The following ARL8B variants were observed in gnomAD, a reference collection of about 807,000 sequenced individuals.
The protein encoded by ARL8B is ADP-ribosylation factor-like protein 8B.
A neutral mutation model predicts 30.6 loss-of-function variants in ARL8B; 9 were observed. The ratio of observed to expected loss-of-function variants is 0.29; its 90% CI spans 0.18 to 0.51. The LOEUF is 0.51. Among genes scored for constraint, ARL8B ranks in the 20% least tolerant of loss-of-function variants. The probability of loss-of-function intolerance (pLI) is 0.97; values close to 1 mark genes in which losing one functional copy is unlikely to be tolerated. For missense variants in ARL8B, 130 were observed against 227.2 expected, an observed-to-expected ratio of 0.57 and a Z score of 2.75; for synonymous variants, 74 against 76.0, an observed-to-expected ratio of 0.97 and a Z score of 0.14.
chr3:5,172,847 T>C (rs2054688130), intron 4 of ARL8B, 107 bp downstream of exon 4: 1 of 782,010 alleles, frequency 1.3e-6, no homozygotes, highest in Admixed American at 2.7e-5. Context: ...CATGTCTTCA[T>C]TTTTAAAATC....
intron 6 of ARL8B, among the ~76,000 whole-genome samples, chr3:5,178,071 G>A (rs1157883396): frequency 6.6e-6 from 1 of 152,204 alleles, no homozygotes; most frequent in African/African-American, 2.4e-5. Context: ...GAAGAAGTGA[G>A]GACAAGAATT....
chr3:5,169,111 T>C (rs1163139947), intron 1 of ARL8B, among the ~76,000 whole-genome samples: 1 of 152,148 alleles, frequency 6.6e-6, no homozygotes, highest in Non-Finnish European at 1.5e-5. Flanking sequence ...AAACACAAAG[T>C]ATCATCTTAG....
At chr3:5,178,589 G>A (rs538026833) in intron 6 of ARL8B, 75 bp from the exon 7 acceptor site, 1 of 1,444,536 alleles carries the variant, frequency 6.9e-7, no homozygotes, top group Non-Finnish European at 9.5e-7. Flanking sequence ...TGAATTAGCT[G>A]CCTTTTAAAT....
chr3:5,125,609 T>G (rs527263281), intron 1 of ARL8B, among the ~76,000 whole-genome samples: 4 of 151,826 alleles, frequency 2.6e-5, no homozygotes, highest in Admixed American at 6.6e-5. Flanking sequence ...CTTGGCTCAC[T>G]GCAACCTCTG....
intron 1 of ARL8B, chr3:5,128,312 G>C: frequency 3.5e-6 from 1 of 282,024 alleles, no homozygotes; most frequent in South Asian, 3.1e-5. Context: ...TCTGAAACTT[G>C]ACTGGAGAAG....
At chr3:5,173,840 A>C (rs938333889) in intron 4 of ARL8B, among the ~76,000 whole-genome samples, 177 bp from the exon 5 acceptor site, 2 of 152,246 alleles carry the variant, frequency 1.3e-5, no homozygotes, top group African/African-American at 4.8e-5. Flanking sequence ...GTGGGAGTTG[A>C]GTGAATACAA....
At chr3:5,172,608 T>TA (rs1378348561) in intron 3 of ARL8B, 39 bp from the exon 4 acceptor site, 1 of 1,345,286 alleles carries the variant, frequency 7.4e-7, no homozygotes, top group East Asian at 2.3e-5. Context: ...CATCAAGGCA[T>TA]ACAGAGAAGG....
chr3:5,156,089 G>A (rs1178916825), intron 1 of ARL8B, among the ~76,000 whole-genome samples: 1 of 152,012 alleles, frequency 6.6e-6, no homozygotes, highest in Admixed American at 6.6e-5. Context: ...TTTTGTTAGA[G>A]ATGGCGTTAC....
chr3:5,174,452 C>A, intron 6 of ARL8B, 38 bp downstream of exon 6: 1 of 1,309,116 alleles, frequency 7.6e-7, no homozygotes, highest in Non-Finnish European at 1.1e-6. Context: ...AAATGGGTAT[C>A]ATTGGAAGGA....
intron 1 of ARL8B, among the ~76,000 whole-genome samples, chr3:5,139,856 T>C (rs1252877549): frequency 1.3e-5 from 2 of 152,198 alleles, no homozygotes; most frequent in Non-Finnish European, 2.9e-5. Context: ...TCCTGCAGGG[T>C]ATCCTGTCTG....
intron 1 of ARL8B, among the ~76,000 whole-genome samples, chr3:5,136,381 C>G (rs1232773090): frequency 6.6e-6 from 1 of 152,132 alleles, no homozygotes; most frequent in East Asian, 1.9e-4. Context: ...GTGTACTGTT[C>G]CATAAAATAG....
At chr3:5,151,394 G>C (rs532273432) in intron 1 of ARL8B, among the ~76,000 whole-genome samples, 5 of 152,064 alleles carry the variant, frequency 3.3e-5, no homozygotes, top group African/African-American at 1.2e-4. Context: ...AGTGAGCTAT[G>C]ATTATGTCAC....
chr3:5,171,885 A>G (rs1430141569), intron 2 of ARL8B, among the ~76,000 whole-genome samples: 1 of 152,260 alleles, frequency 6.6e-6, no homozygotes, highest in Admixed American at 6.5e-5. Flanking sequence ...GTTAACAGGC[A>G]AACTATTGCA....
In ARL8B at chr3:5,179,242, C is replaced by T. The variant is rs1232799153; in HGVS notation, c.*529C>T. On this transcript the variant is annotated 3_prime_UTR_variant, in exon 7 of 7. Coordinates refer to ENST00000256496, the MANE Select transcript of ARL8B (RefSeq NM_018184.3). The stretch of plus-strand genomic sequence containing the variant: ...TAATGTTTATTTTATCTCACAAATG[C>T]ATGTGAAATGTATAATTACATCTTA... 1 of 152,620 alleles carries T rather than the reference C, an allele frequency of 6.6e-6. No homozygotes were observed. The highest frequency in any genetic ancestry group is 2.4e-5 in the African/African-American group (1 of 41,438). 9.5% of individuals were successfully genotyped at this position (152,620 alleles called of 1,614,324 possible). A position where few individuals can be genotyped will look rare whatever the true frequency, so the allele number is the denominator to read the frequency against.
chr3:5,154,083 T>G (rs954227287), intron 1 of ARL8B, among the ~76,000 whole-genome samples: 2 of 152,238 alleles, frequency 1.3e-5, no homozygotes, highest in African/African-American at 4.8e-5. Context: ...AGCAGTTTAA[T>G]TGTGATATAT....
In ARL8B at chr3:5,122,335, C is replaced by G; in HGVS notation, c.-131C>G. 1 of 1,536,164 alleles carries G rather than the reference C, an allele frequency of 6.5e-7. No individual in the cohort carries two copies. Among genetic ancestry groups the G allele is most frequent in the Non-Finnish European group, 8.8e-7 (1 of 1,142,728 alleles). On this transcript the variant is annotated 5_prime_UTR_variant, in exon 1 of 7. Transcript: ENST00000256496. The stretch of plus-strand genomic sequence containing the variant: ...CCTGGGTCTGGCTGCTGCCGCCCGC[C>G]GGTGTCCGCCCGTGTCGCGCCGGGG...
intron 1 of ARL8B, among the ~76,000 whole-genome samples, chr3:5,157,489 CA>C (rs146850839): frequency 0.29 from 43,770 of 151,638 alleles, 7,194 homozygotes; most frequent in African/African-American, 0.46. Context: ...ACAAACAAAA[CA>C]AAAAAACCCC....
chr3:5,130,185 A>AT (rs557173647), intron 1 of ARL8B, among the ~76,000 whole-genome samples: 10 of 121,970 alleles, frequency 8.2e-5, no homozygotes, highest in Admixed American at 3.0e-4. Flanking sequence ...CTCTTAAAAA[A>AT]AAATATATAT....
intron 1 of ARL8B, among the ~76,000 whole-genome samples, chr3:5,157,324 T>G (rs947844678): frequency 1.3e-5 from 2 of 152,184 alleles, no homozygotes; most frequent in African/African-American, 4.8e-5. Context: ...TCAGATGTAT[T>G]ACTCCAGTTC....
Sources: gnomAD v4.1 joint callset for allele counts (sites outside exome capture counted in the v4.1 genomes callset) on GRCh38, gnomAD v4.1.1 for gene constraint, MANE v1.5 for transcripts, NCBI Gene and HGNC (gene_info 2026-07-23, HGNC 2026-07-21) for gene names.